Variants in ERC2 observed in about 807,000 individuals in gnomAD.
ERC2 encodes ELKS/RAB6-interacting/CAST family member 2.
A neutral mutation model predicts 114.8 loss-of-function variants in ERC2; 42 were observed. That is an observed-to-expected ratio of 0.37 (90% CI 0.29 to 0.47). The LOEUF is 0.47. ERC2 is among the 20% of genes least tolerant of loss of function. The pLI is 0.99. For missense variants in ERC2, 939 were observed against 1,150.7 expected (o/e 0.82, Z 2.66); for synonymous variants, 454 against 425.5 (o/e 1.07, Z -0.82).
chr3:56,121,561 C>A (rs1266207313), intron 6 of ERC2, among the ~76,000 whole-genome samples: 1 of 152,108 alleles, frequency 6.6e-6, no homozygotes, highest in Non-Finnish European at 1.5e-5. Flanking sequence ...TGCTCCAACT[C>A]TCAAAGATTA....
At chr3:55,746,953 T>C (rs1163054160) in intron 14 of ERC2, among the ~76,000 whole-genome samples, 1 of 152,250 alleles carries the variant, frequency 6.6e-6, no homozygotes, top group African/African-American at 2.4e-5. Flanking sequence ...CAATTCTTCA[T>C]GTAAATGTCT....
chr3:56,193,037 T>C lies in ERC2; in HGVS notation c.1075-19517A>G, dbSNP rs184123996. On this transcript the variant is annotated intron_variant, in intron 3 of 17. Transcript: ENST00000288221. ...ATTTTGACTCTCCTTTGTGTATAAC[T>C]GTTTAATCAATTTACAAAACAGGTA... Among the ~76,000 whole-genome samples, 3 of 152,330 alleles carry C rather than the reference T, an allele frequency of 2.0e-5. No homozygotes were observed. The East Asian group carries it at 5.8e-4, about 29-fold the overall frequency.
intron 17 of ERC2, among the ~76,000 whole-genome samples, chr3:55,624,644 C>G (rs1001110065): frequency 6.6e-6 from 1 of 152,276 alleles, no homozygotes; most frequent in Non-Finnish European, 1.5e-5. Context: ...GCAGCCTTGG[C>G]TCGGGGCACT....
chr3:56,225,960 C>T (rs1334602789), intron 3 of ERC2, among the ~76,000 whole-genome samples: 6 of 152,180 alleles, frequency 3.9e-5, no homozygotes, highest in African/African-American at 1.4e-4. Context: ...GCATTTATGG[C>T]AATCAGAACT....
chr3:55,884,856 A>T (rs1044920271), intron 14 of ERC2, among the ~76,000 whole-genome samples: 5 of 152,060 alleles, frequency 3.3e-5, no homozygotes, highest in South Asian at 2.1e-4. Flanking sequence ...AAGCACTTTC[A>T]CATGTGCTGG....
intron 7 of ERC2, among the ~76,000 whole-genome samples, chr3:56,032,731 G>T (rs2074443121): frequency 6.6e-6 from 1 of 151,590 alleles, no homozygotes; most frequent in Non-Finnish European, 1.5e-5. Flanking sequence ...CTGTGGTGTG[G>T]CACATTCCTG....
intron 12 of ERC2, among the ~76,000 whole-genome samples, chr3:55,952,177 ACACTC>A (rs2067605042): frequency 5.2e-5 from 2 of 38,684 alleles, no homozygotes; most frequent in East Asian, 4.1e-4. Flanking sequence ...ACACACACAC[ACACTC>A]TCTCTCTCTC....
Position 55,943,458 on chromosome 3 carries a change from G to GTT in ERC2, c.2403+6965_2403+6966dup, listed in dbSNP as rs143036716. ...TTCCGAGTCTTTTGCCTGAGGAAGC[G>GTT]TTTTTTTTTTCAGTGTACGAAACCT... On this transcript the variant is annotated intron_variant, in intron 13 of 17. Coordinates refer to ENST00000288221, the MANE Select transcript of ERC2 (RefSeq NM_015576.3). Among the ~76,000 whole-genome samples the GTT allele has an allele frequency of 2.4e-4, 36 of 149,622 alleles. No homozygotes were observed. In the East Asian group the frequency reaches 4.9e-3, roughly 20 times the overall value.
At chr3:56,087,551 A>C (rs1475313209) in intron 6 of ERC2, among the ~76,000 whole-genome samples, 1 of 152,174 alleles carries the variant, frequency 6.6e-6, no homozygotes, top group African/African-American at 2.4e-5. Context: ...AATTTCTAAA[A>C]ATCAAACAGT....
chr3:55,662,333 CTG>C (rs1409058880), intron 17 of ERC2, among the ~76,000 whole-genome samples: 1 of 152,214 alleles, frequency 6.6e-6, no homozygotes, highest in African/African-American at 2.4e-5. Context: ...TGCCCATTAA[CTG>C]TGAGTGGCTA....
At chr3:56,255,488 G>T (rs1482078667) in intron 3 of ERC2, among the ~76,000 whole-genome samples, 1 of 152,138 alleles carries the variant, frequency 6.6e-6, no homozygotes, top group African/African-American at 2.4e-5. Flanking sequence ...CCATGCAAGA[G>T]GCCTATTGAA....
chr3:56,434,466 C>T lies in ERC2; in HGVS notation c.542G>A (p.Ser181Asn). 1 of 1,614,038 alleles carries T rather than the reference C, an allele frequency of 6.2e-7. No individual in the cohort carries two copies. The highest frequency in any genetic ancestry group is 2.2e-5 in the East Asian group (1 of 44,882). ...KDSKLGSSMN[S>N]IKTFWSPELK... ...CTCAGGACTCCAGAAAGTCTTAATACTGTTCATGGAAGATCCCAATTTGCT... is the reference window on the plus strand; with the variant it reads ...CTCAGGACTCCAGAAAGTCTTAATATTGTTCATGGAAGATCCCAATTTGCT... Residue 181 changes from serine (S) to asparagine (N), a missense_variant, in exon 2 of 18, where the codon AGT (serine) becomes AAT (asparagine). Around this residue, in one of 5 missense-constraint regions of ERC2, gnomAD observed 281 missense variants for 307.4 expected, o/e 0.91. Coordinates refer to ENST00000288221, the MANE Select transcript of ERC2 (RefSeq NM_015576.3).
At chr3:56,432,924 G>A (rs1452528634) in intron 2 of ERC2, among the ~76,000 whole-genome samples, 3 of 152,142 alleles carry the variant, frequency 2.0e-5, no homozygotes, top group African/African-American at 7.2e-5. Flanking sequence ...GCTGGGGCCA[G>A]GTGTGCAATC....
chr3:55,618,345 T>C (rs538709059), intron 17 of ERC2, among the ~76,000 whole-genome samples: 2 of 152,320 alleles, frequency 1.3e-5, no homozygotes, highest in South Asian at 2.1e-4. Context: ...TCTTTATCAA[T>C]ATTAATGTGC....
intron 13 of ERC2, among the ~76,000 whole-genome samples, chr3:55,896,185 C>T (rs1353902923): frequency 6.6e-6 from 1 of 152,212 alleles, no homozygotes; most frequent in African/African-American, 2.4e-5. Context: ...ACACTAGCCA[C>T]AGGTCTGTCT....
chr3:56,274,261 C>A (rs898850192), intron 3 of ERC2, among the ~76,000 whole-genome samples: 1 of 152,130 alleles, frequency 6.6e-6, no homozygotes, highest in Admixed American at 6.5e-5. Context: ...CTAGGTAATG[C>A]CTGATGATCT....
chr3:56,243,704 AG>A (rs1380479278), intron 3 of ERC2, among the ~76,000 whole-genome samples: 6 of 152,174 alleles, frequency 3.9e-5, no homozygotes, highest in African/African-American at 1.4e-4. Context: ...ATTTGGGATG[AG>A]GGAAGAATAA....
intron 14 of ERC2, among the ~76,000 whole-genome samples, chr3:55,823,780 T>A (rs1019308912): frequency 1.3e-5 from 2 of 152,206 alleles, no homozygotes. Context: ...TTCTGTTTAA[T>A]GAAGAGTGAG....
At chr3:55,837,907 A>G (rs1246207834) in intron 14 of ERC2, among the ~76,000 whole-genome samples, 3 of 152,116 alleles carry the variant, frequency 2.0e-5, no homozygotes, top group Non-Finnish European at 4.4e-5. Context: ...AGGGAAAAAA[A>G]GCTGCAGTGG....
Sources: gnomAD v4.1 joint callset for allele counts (sites outside exome capture counted in the v4.1 genomes callset) on GRCh38, gnomAD v4.1.1 for gene constraint, gnomAD v4.1.1 regional missense constraint, MANE v1.5 for transcripts, NCBI Gene and HGNC (gene_info 2026-07-23, HGNC 2026-07-21) for gene names.